HCRTR2: variants seen among roughly 807,000 people sequenced by gnomAD.
HCRTR2 encodes orexin receptor type 2.
HCRTR2 carries 22 observed loss-of-function variants against 49.0 expected under a neutral mutation model. The observed-to-expected ratio is 0.45, with a 90% CI of 0.32 to 0.64. The LOEUF is 0.64. Ranked by LOEUF, HCRTR2 falls within the 30% of genes least tolerant of loss-of-function variation. The probability of loss-of-function intolerance (pLI) is 0.04; values close to 1 mark genes in which losing one functional copy is unlikely to be tolerated. For missense variants in HCRTR2, 491 were observed against 559.4 expected, an observed-to-expected ratio of 0.88 and a Z score of 1.23; for synonymous variants, 236 against 205.3, an observed-to-expected ratio of 1.15 and a Z score of -1.28.
chr6:55,248,593 C>A (rs765157120), intron 1 of HCRTR2, 46 bp from the exon 2 acceptor site: 2 of 1,437,198 alleles, frequency 1.4e-6, no homozygotes, highest in Non-Finnish European at 2.0e-6. Flanking sequence ...CTCACCAATA[C>A]CTATTTTCTT....
At chr6:55,149,768 A>T (rs908966956) in intron 1 of HCRTR2, among the ~76,000 whole-genome samples, 3 of 152,070 alleles carry the variant, frequency 2.0e-5, no homozygotes, top group African/African-American at 4.8e-5. Context: ...ATTTAATTAC[A>T]TCTGTATAAA....
intron 1 of HCRTR2, among the ~76,000 whole-genome samples, chr6:55,143,142 A>G (rs1481464717): frequency 1.0e-5 from 1 of 98,490 alleles, no homozygotes; most frequent in East Asian, 2.0e-4. Context: ...AGTTAATAGA[A>G]TAAAAGTTTC....
intron 1 of HCRTR2, among the ~76,000 whole-genome samples, chr6:55,192,157 G>A (rs1301508485): frequency 6.6e-6 from 1 of 152,024 alleles, no homozygotes; most frequent in African/African-American, 2.4e-5. Flanking sequence ...ATCAGTAACA[G>A]ATAACTTGCA....
chr6:55,268,153 T>G (rs1766897950), intron 4 of HCRTR2, among the ~76,000 whole-genome samples: 1 of 152,174 alleles, frequency 6.6e-6, no homozygotes, highest in Non-Finnish European at 1.5e-5. Context: ...AAGTTGCTAA[T>G]TTTAATTCCT....
Position 55,159,811 on chromosome 6 carries a change from A to AAAGT in HCRTR2, c.-377-14399_-377-14396dup, listed in dbSNP as rs1764780421. 2.6e-5 allele frequency among the ~76,000 whole-genome samples: 4 copies of AAAGT among 152,366 alleles called. No individual in the cohort carries two copies. The East Asian group carries it at 7.7e-4, about 29-fold the overall frequency. The stretch of plus-strand genomic sequence containing the variant: ...GAAAAAAGAATAAAAAGGAATGAAC[A>AAAGT]AAGTCTCCAAGAAATATGGGAATAT... On this transcript the variant is annotated intron_variant, in intron 1 of 7. Coordinates refer to the HCRTR2 transcript ENST00000615358.
intron 1 of HCRTR2, among the ~76,000 whole-genome samples, chr6:55,145,658 G>T (rs1764571550): frequency 6.6e-6 from 1 of 151,906 alleles, no homozygotes; most frequent in African/African-American, 2.4e-5. Context: ...CTCGTGATCT[G>T]CCCGCCTTGG....
intron 1 of HCRTR2, among the ~76,000 whole-genome samples, chr6:55,144,192 A>G (rs1049005286): frequency 1.4e-5 from 2 of 139,100 alleles, no homozygotes; most frequent in African/African-American, 5.6e-5. Context: ...GGCGCACCGC[A>G]ACCTCCGCCT....
At chr6:55,211,852 C>T (rs1765701274) in intron 1 of HCRTR2, among the ~76,000 whole-genome samples, 1 of 152,140 alleles carries the variant, frequency 6.6e-6, no homozygotes, top group African/African-American at 2.4e-5. Flanking sequence ...GCACAGCATG[C>T]TGTGCTAATG....
chr6:55,222,510 C>A (rs1386552136), intron 1 of HCRTR2, among the ~76,000 whole-genome samples: 3 of 151,938 alleles, frequency 2.0e-5, no homozygotes, highest in African/African-American at 4.8e-5. Flanking sequence ...GCCTTATTTA[C>A]AATAGTCAAG....
At chr6:55,250,173 A>T (rs1401183542) in intron 2 of HCRTR2, among the ~76,000 whole-genome samples, 1 of 152,134 alleles carries the variant, frequency 6.6e-6, no homozygotes, top group African/African-American at 2.4e-5. Context: ...ATGTTTAATT[A>T]TAAAGCTAGT....
intron 1 of HCRTR2, among the ~76,000 whole-genome samples, chr6:55,221,368 AAGCCC>A (rs1765887689): frequency 6.6e-6 from 1 of 152,204 alleles, no homozygotes; most frequent in African/African-American, 2.4e-5. Flanking sequence ...GCCCAGAAAT[AAGCCC>A]ACACATACAT....
At chr6:55,121,034 G>A (rs112125053) in intron 1 of HCRTR2, among the ~76,000 whole-genome samples, 7,534 of 152,038 alleles carry the variant, frequency 0.05, 588 homozygotes, top group African/African-American at 0.17. Context: ...AGCTTGATGC[G>A]GATGGCATTG....
intron 1 of HCRTR2, among the ~76,000 whole-genome samples, chr6:55,216,820 T>A (rs1316895631): frequency 1.3e-5 from 2 of 152,168 alleles, no homozygotes; most frequent in African/African-American, 4.8e-5. Context: ...TCACCCCGTA[T>A]TTTTACTCAA....
rs539505199 is a variant in HCRTR2, at chr6:55,159,714, G to A, written c.-377-14497G>A. On this transcript the variant is annotated intron_variant, in intron 1 of 7. Transcript: ENST00000615358. ...ATACACAGGTATCAATATCCAAATC[G>A]ATCAAGCAAAGAAAAGAATATCAGA... 2.9e-3 allele frequency among the ~76,000 whole-genome samples: 444 copies of A among 152,148 alleles called. 4 individuals are homozygous for A. The highest frequency in any genetic ancestry group is 0.01 in the African/African-American group (422 of 41,500).
At position 55,282,465 on chromosome 6, in the gene HCRTR2, C is replaced by G. The variant is rs199900778; in HGVS notation, c.*11C>G. ...CTTCAAAACTGGTAGAATATTTATT[C>G]ATATGACAAGGATACCTGAGTAAAA... On this transcript the variant is annotated 3_prime_UTR_variant, in exon 7 of 7. Transcript: ENST00000370862. 1 of 1,401,490 alleles carries G rather than the reference C, an allele frequency of 7.1e-7. No homozygotes were observed. The highest frequency in any genetic ancestry group is 1.0e-6 in the Non-Finnish European group (1 of 989,494). The allele number at this position is 1,401,490 out of a possible 1,614,324, so 86.8% of individuals were successfully genotyped here.
chr6:55,250,268 A>G (rs1213373929), intron 2 of HCRTR2, among the ~76,000 whole-genome samples: 2 of 152,154 alleles, frequency 1.3e-5, no homozygotes, highest in East Asian at 1.9e-4. Flanking sequence ...ACTACATGGG[A>G]CAATAGAGAA....
chr6:55,214,579 G>A (rs1765755549), intron 1 of HCRTR2, among the ~76,000 whole-genome samples: 1 of 151,916 alleles, frequency 6.6e-6, no homozygotes, highest in Middle Eastern at 3.4e-3. Flanking sequence ...GACTTCAAGG[G>A]ATCCTCCTGA....
chr6:55,108,069 A>T (rs997474686), intron 1 of HCRTR2, among the ~76,000 whole-genome samples: 4 of 152,200 alleles, frequency 2.6e-5, no homozygotes, highest in African/African-American at 9.6e-5. Context: ...ATTCATGATG[A>T]TAAGAGGTAA....
At chr6:55,159,614 T>C (rs1764777856) in intron 1 of HCRTR2, among the ~76,000 whole-genome samples, 1 of 152,172 alleles carries the variant, frequency 6.6e-6, no homozygotes, top group African/African-American at 2.4e-5. Flanking sequence ...AATTGCTAAC[T>C]AGAATAACCA....
Sources: allele counts gnomAD v4.1 joint callset (sites outside exome capture counted in the v4.1 genomes callset), GRCh38; gene constraint gnomAD v4.1.1; transcripts MANE v1.5; gene names NCBI Gene and HGNC (gene_info 2026-07-23, HGNC 2026-07-21).